KCNMA1: variants seen among roughly 807,000 people sequenced by gnomAD.
The protein encoded by KCNMA1 is Calcium-activated potassium channel subunit alpha-1.
KCNMA1 carries 29 observed loss-of-function variants against 140.0 expected under a neutral mutation model. The observed-to-expected ratio is 0.21, with a 90% CI of 0.15 to 0.28. The LOEUF is 0.28. KCNMA1 is among the 10% of genes least tolerant of loss of function. KCNMA1 has a pLI of 1.00. For synonymous variants in KCNMA1, 612 were observed against 611.9 expected (o/e 1.00, Z 0.00); for missense variants, 880 against 1,602.2 (o/e 0.55, Z 7.70).
chr10:77,186,445 T>C (rs1423013129), intron 3 of KCNMA1, among the ~76,000 whole-genome samples: 1 of 151,694 alleles, frequency 6.6e-6, no homozygotes, highest in East Asian at 1.9e-4. Flanking sequence ...AGCATGGAAT[T>C]TGGTTAGTCC....
intron 21 of KCNMA1, chr10:76,952,185 A>G (rs1251529534): frequency 4.5e-6 from 7 of 1,549,446 alleles, no homozygotes; most frequent in Middle Eastern, 1.7e-4. Context: ...ACATCAGGCT[A>G]AATTTAGGCC....
intron 1 of KCNMA1, chr10:77,636,223 T>G: frequency 7.0e-7 from 1 of 1,430,120 alleles, no homozygotes; most frequent in Non-Finnish European, 9.1e-7. Context: ...TTCTTTTTTA[T>G]TCTGCAGTTT....
At chr10:77,458,683 G>T (rs1050883015) in intron 1 of KCNMA1, among the ~76,000 whole-genome samples, 3 of 152,186 alleles carry the variant, frequency 2.0e-5, no homozygotes, top group African/African-American at 7.2e-5. Flanking sequence ...AATAAAATGG[G>T]AAAGTGAGAG....
chr10:77,019,140 G>T, intron 16 of KCNMA1, 41 bp from the exon 17 acceptor site: 1 of 1,090,626 alleles, frequency 9.2e-7, no homozygotes, highest in Non-Finnish European at 1.4e-6. Context: ...ATACATTTGT[G>T]AGGTCATGTT....
intron 14 of KCNMA1, among the ~76,000 whole-genome samples, chr10:77,057,395 G>A (rs1054814626): frequency 6.6e-6 from 1 of 152,102 alleles, no homozygotes; most frequent in African/African-American, 2.4e-5. Flanking sequence ...TGGCTCTGAA[G>A]GAACTGCTAA....
intron 3 of KCNMA1, among the ~76,000 whole-genome samples, chr10:77,238,414 C>G (rs1044070725): frequency 6.6e-6 from 1 of 152,144 alleles, no homozygotes; most frequent in Non-Finnish European, 1.5e-5. Flanking sequence ...AGTGCTAACC[C>G]ACAATACACA....
chr10:77,001,029 T>C (rs2153408956), intron 19 of KCNMA1, among the ~76,000 whole-genome samples: 1 of 151,816 alleles, frequency 6.6e-6, no homozygotes, highest in Non-Finnish European at 1.5e-5. Context: ...TTTGATACAA[T>C]TCAATTTACA....
intron 1 of KCNMA1, among the ~76,000 whole-genome samples, chr10:77,482,889 AGT>A (rs1366539550): frequency 6.6e-6 from 1 of 150,710 alleles, no homozygotes; most frequent in Non-Finnish European, 1.5e-5. Context: ...GATGCCCCCA[AGT>A]CTCTCTCTTG....
chr10:77,532,481 G>A (rs2057894966), intron 1 of KCNMA1, among the ~76,000 whole-genome samples: 2 of 152,190 alleles, frequency 1.3e-5, no homozygotes, highest in Admixed American at 1.3e-4. Flanking sequence ...GTGGGAAGGA[G>A]GTAGGGTTGG....
intron 1 of KCNMA1, among the ~76,000 whole-genome samples, chr10:77,489,944 G>A (rs1418488373): frequency 6.6e-6 from 1 of 152,216 alleles, no homozygotes; most frequent in African/African-American, 2.4e-5. Flanking sequence ...GTGGTCAGTT[G>A]TCTCATCTTC....
chr10:77,033,882 T>C (rs2094131662), intron 15 of KCNMA1, among the ~76,000 whole-genome samples: 1 of 152,162 alleles, frequency 6.6e-6, no homozygotes. Flanking sequence ...TGTTCAACCC[T>C]AATTACAATA....
chr10:77,038,776 A>G (rs1329382166), intron 15 of KCNMA1, among the ~76,000 whole-genome samples: 2 of 152,174 alleles, frequency 1.3e-5, no homozygotes, highest in African/African-American at 4.8e-5. Flanking sequence ...CCTAGCCTCA[A>G]GTGATCCTCT....
rs2036254571 is a variant in KCNMA1 at position 76,885,102 on chromosome 10, CTTATAG to C, written c.*2158_*2163del. The C allele has an allele frequency of 2.1e-5, 32 of 1,524,438 alleles. No individual in the cohort carries two copies. In the South Asian group the frequency reaches 3.5e-4, roughly 17 times the overall value. The allele number at this position is 1,524,438 out of a possible 1,614,324, so 94.4% of individuals were successfully genotyped here. A position where few individuals can be genotyped will look rare whatever the true frequency, so the allele number is the denominator to read the frequency against. On this transcript the variant is annotated 3_prime_UTR_variant, in exon 28 of 28. Transcript: ENST00000286628. ...TGTTGAGCACTTTAACTGGCACATT[CTTATAG>C]TTATAAATGTTCTGAGGGCGTAACT...
rs917294373 is a variant in KCNMA1 at position 76,992,420 on chromosome 10, T to A, written c.2266+8987A>T. Reference sequence around the variant, plus strand: ...TCTGACAATGCTGGATTTAGCTCTGTCCATTTAGATTCCCTTTGGGAAAAA... The same window carrying A: ...TCTGACAATGCTGGATTTAGCTCTGACCATTTAGATTCCCTTTGGGAAAAA... On this transcript the variant is annotated intron_variant, in intron 19 of 27. Coordinates refer to ENST00000286628, the MANE Select transcript of KCNMA1 (RefSeq NM_001161352.2). Among the ~76,000 whole-genome samples the A allele has an allele frequency of 2.0e-5, 3 of 152,154 alleles. No individual in the cohort carries two copies. In the East Asian group the frequency reaches 5.8e-4, roughly 29 times the overall value.
intron 2 of KCNMA1, among the ~76,000 whole-genome samples, chr10:77,275,081 C>A (rs1338680148): frequency 6.6e-6 from 1 of 152,156 alleles, no homozygotes; most frequent in Non-Finnish European, 1.5e-5. Flanking sequence ...TGTGGAGGGG[C>A]TTTTCTTTTC....
chr10:77,356,432 ACTT>A (rs1341675940), intron 2 of KCNMA1, among the ~76,000 whole-genome samples: 9 of 152,310 alleles, frequency 5.9e-5, no homozygotes, highest in Middle Eastern at 3.4e-3. Flanking sequence ...GATAGAAATA[ACTT>A]CTTAACTCTA....
chr10:77,631,725 A>C (rs1004162705), intron 1 of KCNMA1, among the ~76,000 whole-genome samples: 1 of 152,220 alleles, frequency 6.6e-6, no homozygotes, highest in Non-Finnish European at 1.5e-5. Context: ...AGGGAACAAA[A>C]TAGCTGTGAG....
chr10:76,881,694 C>A (rs1443926281), downstream of KCNMA1, among the ~76,000 whole-genome samples: 1 of 152,132 alleles, frequency 6.6e-6, no homozygotes, highest in Non-Finnish European at 1.5e-5. Context: ...ATGGGTCGTA[C>A]CTCTTGAATG....
intron 1 of KCNMA1, among the ~76,000 whole-genome samples, chr10:77,449,445 T>C (rs1205383302): frequency 8.2e-6 from 1 of 121,554 alleles, no homozygotes; most frequent in Non-Finnish European, 1.6e-5. Flanking sequence ...TATGCATCCC[T>C]CCCAGGACCC....
Sources: allele counts gnomAD v4.1 joint callset (sites outside exome capture counted in the v4.1 genomes callset), GRCh38; gene constraint gnomAD v4.1.1; transcripts MANE v1.5; gene names NCBI Gene and HGNC (gene_info 2026-07-23, HGNC 2026-07-21).